Variants in SPATA17 observed in about 807,000 individuals in gnomAD.
SPATA17 encodes the protein spermatogenesis-associated protein 17.
A neutral mutation model predicts 62.2 loss-of-function variants in SPATA17; 53 were observed. That is an observed-to-expected ratio of 0.85 (90% confidence interval 0.68 to 1.07). SPATA17 has a LOEUF of 1.07. SPATA17 is among the 50% of genes least tolerant of loss of function. The probability of loss-of-function intolerance (pLI) is 0.00; values close to 1 mark genes in which losing one functional copy is unlikely to be tolerated. For missense variants in SPATA17, 466 were observed against 425.5 expected (o/e 1.10, Z -0.84); for synonymous variants, 146 against 146.8 (o/e 0.99, Z 0.04).
chr1:217,650,500 T>C (rs898333305), intron 2 of SPATA17, among the ~76,000 whole-genome samples: 1 of 152,028 alleles, frequency 6.6e-6, no homozygotes, highest in Admixed American at 6.5e-5. Context: ...CACTGCAACC[T>C]CTGCCTCCCT....
chr1:217,824,367 C>T (rs995550637), intron 9 of SPATA17, among the ~76,000 whole-genome samples: 3 of 151,496 alleles, frequency 2.0e-5, no homozygotes, highest in South Asian at 2.1e-4. Flanking sequence ...AAATTATCTT[C>T]ATTATGAGTC....
chr1:217,741,916 G>A, intron 5 of SPATA17, 59 bp from the exon 6 acceptor site: 1 of 1,600,928 alleles, frequency 6.2e-7, no homozygotes, highest in Non-Finnish European at 8.5e-7. Flanking sequence ...TATCATCAGT[G>A]AAAGAATTAA....
intron 9 of SPATA17, among the ~76,000 whole-genome samples, chr1:217,818,882 C>T (rs1324817027): frequency 4.0e-5 from 5 of 125,358 alleles, no homozygotes; most frequent in East Asian, 2.3e-4. Context: ...TTTCATTTTC[C>T]TTTTTTTTTT....
rs201226376 is a variant in SPATA17 at position 217,756,327 on chromosome 1, T to TC, written c.519+14229_519+14230insC. Among the ~76,000 whole-genome samples, 1,329 of 152,020 alleles carry TC rather than the reference T, an allele frequency of 8.7e-3. 20 individuals are homozygous for TC. Among genetic ancestry groups the TC allele is most frequent in the African/African-American group, 0.03 (1,247 of 41,520 alleles). On this transcript the variant is annotated intron_variant, in intron 6 of 10. Coordinates refer to ENST00000366933, the MANE Select transcript of SPATA17 (RefSeq NM_138796.4). ...TGCCCAAATATATTTTTTGTGGTTT[T>TC]TTTTTGAAGGACAAATCTTATATAC...
At chr1:217,673,634 C>T (rs559119274) in intron 4 of SPATA17, among the ~76,000 whole-genome samples, 1 of 152,260 alleles carries the variant, frequency 6.6e-6, no homozygotes, top group Non-Finnish European at 1.5e-5. Flanking sequence ...TCTCCCTCTG[C>T]CATCTAGATG....
intron 3 of SPATA17, among the ~76,000 whole-genome samples, chr1:217,661,758 C>G: frequency 6.6e-6 from 1 of 152,054 alleles, no homozygotes. Flanking sequence ...TCTGATTCTC[C>G]TTTTTATTGG....
At position 217,782,284 on chromosome 1, in the gene SPATA17, CAG is replaced by C. The variant is rs761368828; in HGVS notation, c.836_837del (p.Arg279LysfsTer10). The stretch of plus-strand genomic sequence containing the variant: ...AGTTAAAGTTGGCCAGAGAGGAGCT[CAG>C]AAGAGAGGAATGGCTGCAAAATGTA... ...DELKLAREEL[R>X]REEWLQNVND... On this transcript the variant is annotated frameshift_variant, in exon 8 of 11. Coordinates refer to ENST00000366933, the MANE Select transcript of SPATA17 (RefSeq NM_138796.4). LOFTEE classifies it high-confidence loss of function. 1 of 1,611,242 alleles carries C rather than the reference CAG, an allele frequency of 6.2e-7. No homozygotes were observed. Among genetic ancestry groups the C allele is most frequent in the South Asian group, 1.1e-5 (1 of 90,792 alleles).
At chr1:217,846,775 A>G (rs1675539404) in intron 9 of SPATA17, among the ~76,000 whole-genome samples, 1 of 152,088 alleles carries the variant, frequency 6.6e-6, no homozygotes, top group African/African-American at 2.4e-5. Context: ...AAATAAGATA[A>G]TAGTTTAAGC....
At chr1:217,769,514 T>C in intron 6 of SPATA17, among the ~76,000 whole-genome samples, 1 of 152,216 alleles carries the variant, frequency 6.6e-6, no homozygotes, top group East Asian at 1.9e-4. Context: ...CCCCTTTTGA[T>C]GGTGTTCTTT....
In SPATA17 at chr1:217,811,621, C is replaced by T. The variant is rs113138175; in HGVS notation, c.1005+9771C>T. ...GTCAGGAGAATCACTTGAACTTGGG[C>T]GGCGGAGGTTGGAGTGAACAGAAAT... On this transcript the variant is annotated intron_variant, in intron 9 of 10. Coordinates refer to ENST00000366933, the MANE Select transcript of SPATA17 (RefSeq NM_138796.4). Among the ~76,000 whole-genome samples, 291 of 149,772 alleles carry T rather than the reference C, an allele frequency of 1.9e-3. 3 individuals carry two copies. Among genetic ancestry groups the T allele is most frequent in the African/African-American group, 6.9e-3 (280 of 40,822 alleles).
At chr1:217,816,480 TCTTTTA>T (rs1674719969) in intron 9 of SPATA17, among the ~76,000 whole-genome samples, 1 of 151,902 alleles carries the variant, frequency 6.6e-6, no homozygotes, top group South Asian at 2.1e-4. Flanking sequence ...CAACCTTCTA[TCTTTTA>T]CTTTATAATC....
intron 8 of SPATA17, among the ~76,000 whole-genome samples, chr1:217,786,799 T>TTCTTCTTCTTCTTCTTCTTCTTCC (rs1673882064): frequency 1.3e-5 from 2 of 148,990 alleles, no homozygotes; most frequent in African/African-American, 2.6e-5. Flanking sequence ...CTTCTTCTTC[T>TTCTTCTTCTTCTTCTTCTTCTTCC]TCTTCTTCTT....
At chr1:217,649,057 T>C (rs1315626406) in intron 2 of SPATA17, 86 bp downstream of exon 2, 4 of 889,354 alleles carry the variant, frequency 4.5e-6, no homozygotes, top group Admixed American at 2.7e-5. Flanking sequence ...AGTACTCATT[T>C]CAAATAATTT....
intron 9 of SPATA17, among the ~76,000 whole-genome samples, chr1:217,844,526 G>A (rs2103008427): frequency 6.6e-6 from 1 of 152,200 alleles, no homozygotes; most frequent in South Asian, 2.1e-4. Flanking sequence ...TGGGGTATTT[G>A]AGAACTACGG....
intron 6 of SPATA17, among the ~76,000 whole-genome samples, chr1:217,770,166 A>G (rs1394435600): frequency 6.6e-6 from 1 of 152,202 alleles, no homozygotes; most frequent in Non-Finnish European, 1.5e-5. Context: ...TTAAAAGCAA[A>G]TGTGATTTAA....
intron 8 of SPATA17, among the ~76,000 whole-genome samples, chr1:217,794,686 A>G (rs892759014): frequency 1.3e-5 from 2 of 152,220 alleles, no homozygotes; most frequent in African/African-American, 4.8e-5. Flanking sequence ...GCAACAATTG[A>G]TTAAAACTTG....
chr1:217,682,662 A>G (rs1671114222), intron 4 of SPATA17, among the ~76,000 whole-genome samples: 2 of 152,170 alleles, frequency 1.3e-5, no homozygotes, highest in Admixed American at 1.3e-4. Flanking sequence ...GGTAATGAGT[A>G]TTTATGTCAT....
intron 5 of SPATA17, among the ~76,000 whole-genome samples, chr1:217,734,341 G>T (rs950961768): frequency 5.3e-5 from 8 of 152,134 alleles, no homozygotes; most frequent in Admixed American, 6.5e-5. Context: ...ATACACCACA[G>T]CAGAAACTAA....
chr1:217,683,145 A>G (rs1389629657), intron 4 of SPATA17, 113 bp from the exon 5 acceptor site: 3 of 628,940 alleles, frequency 4.8e-6, no homozygotes, highest in Non-Finnish European at 8.0e-6. Flanking sequence ...GGAAAAGCCC[A>G]AGACTTTATT....
Sources: gnomAD v4.1 joint callset for allele counts (sites outside exome capture counted in the v4.1 genomes callset) on GRCh38, gnomAD v4.1.1 for gene constraint, MANE v1.5 for transcripts, NCBI Gene and HGNC (gene_info 2026-07-23, HGNC 2026-07-21) for gene names.